ST8SIA6: variants seen among roughly 807,000 people sequenced by gnomAD.
The protein encoded by ST8SIA6 is ST8 alpha-N-acetyl-neuraminide alpha-2,8-sialyltransferase 6, also known as alpha-2,8-sialyltransferase 8F.
Under a neutral mutation model 33.6 loss-of-function variants are expected in ST8SIA6, and 39 were observed. That is an observed-to-expected ratio of 1.16 (90% CI 0.90 to 1.52). The LOEUF (loss-of-function observed/expected upper bound fraction) is 1.52. ST8SIA6 is among the 40% of genes most tolerant of loss of function. The probability of loss-of-function intolerance (pLI) is 0.00; values close to 1 mark genes in which losing one functional copy is unlikely to be tolerated. For synonymous variants in ST8SIA6, 172 were observed against 167.2 expected (o/e 1.03, Z -0.22); for missense variants, 441 against 443.8 (o/e 0.99, Z 0.06).
At chr10:17,443,463 A>T (rs1852577221) in intron 2 of ST8SIA6, among the ~76,000 whole-genome samples, 1 of 152,222 alleles carries the variant, frequency 6.6e-6, no homozygotes, top group Non-Finnish European at 1.5e-5. Context: ...TATACGGTAG[A>T]GAATTTCGGT....
At chr10:17,324,911 A>G (rs1848074896) in intron 6 of ST8SIA6, among the ~76,000 whole-genome samples, 1 of 146,468 alleles carries the variant, frequency 6.8e-6, no homozygotes, top group Admixed American at 6.9e-5. Context: ...TGTATATATA[A>G]TATGTAATAT....
intron 2 of ST8SIA6, among the ~76,000 whole-genome samples, chr10:17,438,168 G>A (rs1852350792): frequency 6.6e-6 from 1 of 152,188 alleles, no homozygotes; most frequent in Non-Finnish European, 1.5e-5. Flanking sequence ...TCCTGGTTAT[G>A]AGATCTCCTG....
At chr10:17,373,016 A>G (rs996834230) in intron 3 of ST8SIA6, among the ~76,000 whole-genome samples, 3 of 152,166 alleles carry the variant, frequency 2.0e-5, no homozygotes, top group African/African-American at 7.2e-5. Flanking sequence ...CTACAGATCG[A>G]GGGTACAGGG....
chr10:17,334,487 C>T (rs1056488446), intron 4 of ST8SIA6, among the ~76,000 whole-genome samples: 19 of 150,090 alleles, frequency 1.3e-4, no homozygotes, highest in African/African-American at 2.7e-4. Context: ...TGCAGTGAGC[C>T]GCAGTAGCGC....
intron 2 of ST8SIA6, among the ~76,000 whole-genome samples, chr10:17,421,428 T>A (rs1851778271): frequency 2.0e-5 from 3 of 152,174 alleles, no homozygotes; most frequent in South Asian, 4.1e-4. Flanking sequence ...AAAGAAATTG[T>A]ATAGTATGTA....
At chr10:17,398,735 G>T (rs1234664008) in intron 2 of ST8SIA6, among the ~76,000 whole-genome samples, 1 of 152,202 alleles carries the variant, frequency 6.6e-6, no homozygotes, top group Non-Finnish European at 1.5e-5. Context: ...GGGTTATACA[G>T]TTCTTTCCAT....
In ST8SIA6 at chr10:17,359,570, G is replaced by A; in HGVS notation, c.321C>T (p.Ile107=). 2 of 1,603,578 alleles carry A rather than the reference G, an allele frequency of 1.2e-6. No homozygotes were observed. Among genetic ancestry groups the A allele is most frequent in the Non-Finnish European group, 8.5e-7 (1 of 1,175,992 alleles). ...TCCATGGACAACTCTGTATATCTGTGATAATCTGAAGGTAGTCGTTCTCTG... is the reference window on the plus strand; with the variant it reads ...TCCATGGACAACTCTGTATATCTGTAATAATCTGAAGGTAGTCGTTCTCTG... ...GYSENDYLQI[I]TDIQSCPWKR... The change falls in exon 4 of 8, where the codon ATC becomes ATT. Residue 107 remains isoleucine, a synonymous_variant. Transcript: ENST00000377602.
rs921217773 is a variant in ST8SIA6 at position 17,403,012 on chromosome 10, A to C, written c.201-12392T>G. Among the ~76,000 whole-genome samples the C allele has an allele frequency of 2.0e-5, 3 of 152,312 alleles. No individual in the cohort carries two copies. The South Asian group carries it at 6.2e-4, about 32-fold the overall frequency. On this transcript the variant is annotated intron_variant, in intron 2 of 7. Transcript: ENST00000377602. Reference sequence around the variant, plus strand: ...CACTGTGGCACAAAATTTTCCCTACACCATGAACACTATCACTGCCCATCA... The same window carrying C: ...CACTGTGGCACAAAATTTTCCCTACCCCATGAACACTATCACTGCCCATCA...
chr10:17,317,884 T>C lies in ST8SIA6; in HGVS notation c.*2994A>G, dbSNP rs1588767359. Among the ~76,000 whole-genome samples, 1 of 152,214 alleles carries C rather than the reference T, an allele frequency of 6.6e-6. No homozygotes were observed. The highest frequency in any genetic ancestry group is 1.5e-5 in the Non-Finnish European group (1 of 68,036). ...AGGAAATATCCTTTAGTGAAAGCCATGATCTATTTGTCATTGCCTTTTGTT... is the reference window on the plus strand; with the variant it reads ...AGGAAATATCCTTTAGTGAAAGCCACGATCTATTTGTCATTGCCTTTTGTT... On this transcript the variant is annotated 3_prime_UTR_variant, in exon 8 of 8. Coordinates refer to ENST00000377602, the MANE Select transcript of ST8SIA6 (RefSeq NM_001004470.3).
chr10:17,442,115 C>T (rs563412982), intron 2 of ST8SIA6, among the ~76,000 whole-genome samples: 3 of 152,328 alleles, frequency 2.0e-5, no homozygotes, highest in African/African-American at 7.2e-5. Context: ...GATCCACCTG[C>T]CTCGGCCTCC....
At position 17,390,571 on chromosome 10, in the gene ST8SIA6, G is replaced by T; in HGVS notation, c.250C>A (p.Leu84Met). 1 of 1,614,014 alleles carries T rather than the reference G, an allele frequency of 6.2e-7. No homozygotes were observed. The highest frequency in any genetic ancestry group is 8.5e-7 in the Non-Finnish European group (1 of 1,179,930). Reference protein sequence around the residue: ...SLQLTEKCKNLQYGIESFSNK... With the variant: ...SLQLTEKCKNMQYGIESFSNK... ...GAGAAAGACTCAATGCCATATTGCA[G>T]ATTTTTGCATTTCTCCGTCAGTTGG... The change falls in exon 3 of 8, where the codon CTG (leucine) becomes ATG (methionine). Residue 84 changes from leucine (L) to methionine (M), a missense_variant. Physicochemically the swap from Leu to Met is conservative, Grantham distance 15. Coordinates refer to ENST00000377602, the MANE Select transcript of ST8SIA6 (RefSeq NM_001004470.3).
At chr10:17,358,790 AAGG>A (rs1276016989) in intron 4 of ST8SIA6, among the ~76,000 whole-genome samples, 7 of 151,904 alleles carry the variant, frequency 4.6e-5, no homozygotes, top group African/African-American at 1.2e-4. Context: ...GATGAGGAAG[AAGG>A]AGGAGGAAAA....
intron 1 of ST8SIA6, 53 bp from the exon 2 acceptor site, chr10:17,453,710 G>A: frequency 8.1e-7 from 1 of 1,231,100 alleles, no homozygotes. Context: ...GGAGCTGTTG[G>A]CTGAAAGGCT....
At chr10:17,422,540 A>T (rs1390671269) in intron 2 of ST8SIA6, among the ~76,000 whole-genome samples, 2 of 152,214 alleles carry the variant, frequency 1.3e-5, no homozygotes, top group African/African-American at 4.8e-5. Context: ...AGACCTTAAT[A>T]ATTCTACTCC....
intron 3 of ST8SIA6, among the ~76,000 whole-genome samples, chr10:17,367,092 G>A (rs1285292032): frequency 6.6e-6 from 1 of 152,168 alleles, no homozygotes; most frequent in African/African-American, 2.4e-5. Context: ...CCAAAATCAA[G>A]CAGTAGCTCA....
At chr10:17,437,790 G>A (rs946563855) in intron 2 of ST8SIA6, among the ~76,000 whole-genome samples, 5 of 150,538 alleles carry the variant, frequency 3.3e-5, no homozygotes, top group African/African-American at 1.2e-4. Flanking sequence ...GAGTGCAGTG[G>A]CCCAATCTTG....
At chr10:17,356,269 T>A (rs1160425181) in intron 4 of ST8SIA6, among the ~76,000 whole-genome samples, 1 of 152,108 alleles carries the variant, frequency 6.6e-6, no homozygotes, top group Non-Finnish European at 1.5e-5. Flanking sequence ...CAGTGCATAG[T>A]TTAGAAATAT....
intron 5 of ST8SIA6, among the ~76,000 whole-genome samples, chr10:17,330,301 C>A (rs1387653321): frequency 6.6e-6 from 1 of 152,152 alleles, no homozygotes; most frequent in Non-Finnish European, 1.5e-5. Context: ...CAGACACTGG[C>A]AAAACCTGCA....
At chr10:17,327,147 A>C in intron 5 of ST8SIA6, 21 bp from the exon 6 acceptor site, 1 of 1,561,008 alleles carries the variant, frequency 6.4e-7, no homozygotes, top group South Asian at 1.2e-5. Flanking sequence ...AAAGTGGAAA[A>C]CTACCATGAA....
Sources: allele counts gnomAD v4.1 joint callset (sites outside exome capture counted in the v4.1 genomes callset), GRCh38; gene constraint gnomAD v4.1.1; transcripts MANE v1.5; gene names NCBI Gene and HGNC (gene_info 2026-07-23, HGNC 2026-07-21).